The following TMPRSS15 variants were observed in gnomAD, a reference collection of about 807,000 sequenced individuals.
TMPRSS15 encodes the protein transmembrane serine protease 15, also known as enteropeptidase.
Under a neutral mutation model 125.3 loss-of-function variants are expected in TMPRSS15, and 128 were observed. That is an observed-to-expected ratio of 1.02 (90% confidence interval 0.89 to 1.18). The LOEUF is 1.18. TMPRSS15 is among the 50% of genes most tolerant of loss of function. The pLI is 0.00. For missense variants in TMPRSS15, 1,283 were observed against 1,212.7 expected (o/e 1.06, Z -0.86); for synonymous variants, 446 against 423.2 (o/e 1.05, Z -0.66).
At chr21:18,473,746 A>G (rs952019945) in intron 1 of TMPRSS15, among the ~76,000 whole-genome samples, 2 of 152,090 alleles carry the variant, frequency 1.3e-5, no homozygotes, top group Non-Finnish European at 2.9e-5. Flanking sequence ...AAGAATATCA[A>G]CTTCTAATTT....
intron 1 of TMPRSS15, among the ~76,000 whole-genome samples, chr21:18,477,916 C>A (rs945771188): frequency 6.6e-6 from 1 of 151,968 alleles, no homozygotes; most frequent in Non-Finnish European, 1.5e-5. Context: ...GTGGTTATCA[C>A]CCACAATTAG....
intron 19 of TMPRSS15, among the ~76,000 whole-genome samples, chr21:18,297,432 T>C (rs2146905496): frequency 6.6e-6 from 1 of 152,250 alleles, no homozygotes; most frequent in South Asian, 2.1e-4. Flanking sequence ...ATTTAATTAT[T>C]TATTAATCTG....
chr21:18,293,600 G>C (rs1212201592), intron 21 of TMPRSS15, among the ~76,000 whole-genome samples: 1 of 152,128 alleles, frequency 6.6e-6, no homozygotes, highest in Non-Finnish European at 1.5e-5. Context: ...GGATCATTTA[G>C]CTTTTCCTCC....
At chr21:18,288,417 A>G (rs2074791060) in intron 21 of TMPRSS15, among the ~76,000 whole-genome samples, 1 of 151,878 alleles carries the variant, frequency 6.6e-6, no homozygotes, top group African/African-American at 2.4e-5. Flanking sequence ...AAAAGCCCTG[A>G]CTTCCTCACT....
chr21:18,275,444 G>C, intron 23 of TMPRSS15, 108 bp from the exon 24 acceptor site: 1 of 1,312,976 alleles, frequency 7.6e-7, no homozygotes, highest in African/African-American at 1.5e-5. Context: ...TCATTATCAA[G>C]TACTGTGTAT....
At chr21:18,446,156 T>C (rs2076255443) in intron 1 of TMPRSS15, among the ~76,000 whole-genome samples, 1 of 152,170 alleles carries the variant, frequency 6.6e-6, no homozygotes, top group Non-Finnish European at 1.5e-5. Context: ...CATTTATATA[T>C]GCCAGCAGCA....
At chr21:18,293,797 C>A (rs374199384) in intron 21 of TMPRSS15, among the ~76,000 whole-genome samples, 1 of 152,158 alleles carries the variant, frequency 6.6e-6, no homozygotes, top group East Asian at 1.9e-4. Context: ...ATACTTTTAT[C>A]TTAATTCACA....
rs572954030 is a variant in TMPRSS15, at chr21:18,433,309, C to T, written c.11-34980G>A. On this transcript the variant is annotated intron_variant, in intron 1 of 7. Coordinates refer to the TMPRSS15 transcript ENST00000422787. ...ATTAAAACCAAATTGGTGTTATCCA[C>T]ATCTTGTGCAACTCTTGTGTTGAAA... is the stretch of plus-strand genomic sequence containing the variant. Among the ~76,000 whole-genome samples the T allele has an allele frequency of 2.0e-5, 3 of 152,256 alleles. No homozygotes were observed. In the South Asian group the frequency reaches 6.2e-4, roughly 32 times the overall value.
At chr21:18,429,509 G>A (rs2076211746) in intron 1 of TMPRSS15, among the ~76,000 whole-genome samples, 5 of 152,174 alleles carry the variant, frequency 3.3e-5, no homozygotes, top group Admixed American at 1.3e-4. Context: ...GAATCAAGAA[G>A]GCAGTTTCTC....
chr21:18,464,451 C>CA (rs1196664864), intron 1 of TMPRSS15, among the ~76,000 whole-genome samples: 3 of 151,782 alleles, frequency 2.0e-5, no homozygotes, highest in South Asian at 2.1e-4. Flanking sequence ...AGAAACCCTT[C>CA]AAAAAAATCA....
chr21:18,326,721 A>T, intron 15 of TMPRSS15, 149 bp from the exon 16 acceptor site: 1 of 813,988 alleles, frequency 1.2e-6, no homozygotes, highest in East Asian at 2.6e-5. Flanking sequence ...GAACACACAC[A>T]TTCTCTTACA....
At chr21:18,300,876 C>T (rs1314484571) in intron 18 of TMPRSS15, among the ~76,000 whole-genome samples, 3 of 151,822 alleles carry the variant, frequency 2.0e-5, no homozygotes, top group South Asian at 4.2e-4. Context: ...TCAGTAAATG[C>T]CACTTGTTCC....
At chr21:18,474,936 C>T (rs1218676456) in intron 1 of TMPRSS15, among the ~76,000 whole-genome samples, 3 of 152,210 alleles carry the variant, frequency 2.0e-5, no homozygotes, top group African/African-American at 7.2e-5. Context: ...ATCAGCCTCC[C>T]CACAGACATT....
intron 1 of TMPRSS15, 64 bp from the exon 2 acceptor site, chr21:18,398,393 A>G: frequency 6.5e-7 from 1 of 1,546,768 alleles, no homozygotes; most frequent in South Asian, 1.1e-5. Flanking sequence ...AAATATGCAC[A>G]TTCTGTTAAG....
chr21:18,426,005 C>T (rs2076201886), intron 1 of TMPRSS15, among the ~76,000 whole-genome samples: 2 of 152,080 alleles, frequency 1.3e-5, no homozygotes, highest in Non-Finnish European at 2.9e-5. Flanking sequence ...TCTTTTTATT[C>T]ACCTATTTAT....
intron 3 of TMPRSS15, among the ~76,000 whole-genome samples, chr21:18,384,731 C>A (rs1033098909): frequency 6.6e-6 from 1 of 152,114 alleles, no homozygotes; most frequent in Non-Finnish European, 1.5e-5. Flanking sequence ...CTGCTTAAGA[C>A]ACAGACTAGG....
intron 1 of TMPRSS15, among the ~76,000 whole-genome samples, chr21:18,423,888 A>T (rs1289574065): frequency 6.6e-6 from 1 of 152,212 alleles, no homozygotes; most frequent in Non-Finnish European, 1.5e-5. Flanking sequence ...GGGAGATTAT[A>T]ATCATTTAGT....
Position 18,397,902 on chromosome 21 carries a change from C to A in TMPRSS15, c.321G>T (p.Lys107Asn). The A allele has an allele frequency of 6.4e-7, 1 of 1,553,392 alleles. No individual in the cohort carries two copies. Among genetic ancestry groups the A allele is most frequent in the Non-Finnish European group, 8.8e-7 (1 of 1,135,974 alleles). The stretch of plus-strand genomic sequence containing the variant: ...ACTCAAATTGTAAAACTCTTGAGTT[C>A]TTATATTCATTCTTCAGATTGCTTG... ...FLSSNLKNEYKNSRVLQFENG... is the reference protein window; with the variant it reads ...FLSSNLKNEYNNSRVLQFENG... The change falls in exon 3 of 25, where the codon AAG becomes AAT. Residue 107 changes from lysine to asparagine, a missense_variant. Transcript: ENST00000284885.
chr21:18,329,664 A>C (rs994202557), intron 14 of TMPRSS15, among the ~76,000 whole-genome samples: 5 of 151,502 alleles, frequency 3.3e-5, no homozygotes, highest in African/African-American at 1.2e-4. Context: ...CCATGATCAA[A>C]TTTAGAAGAA....
Sources: allele counts gnomAD v4.1 joint callset (sites outside exome capture counted in the v4.1 genomes callset), GRCh38; gene constraint gnomAD v4.1.1; transcripts MANE v1.5; gene names NCBI Gene and HGNC (gene_info 2026-07-23, HGNC 2026-07-21).